CHL1: variants seen among roughly 807,000 people sequenced by gnomAD.
CHL1 encodes the protein cell adhesion molecule L1 like.
A neutral mutation model predicts 141.9 loss-of-function variants in CHL1; 96 were observed. The ratio of observed to expected loss-of-function variants is 0.68; its 90% confidence interval spans 0.57 to 0.80. The LOEUF (loss-of-function observed/expected upper bound fraction) is 0.80, where lower values mean the gene tolerates loss of function less well. Among genes scored for constraint, CHL1 ranks in the 30% least tolerant of loss-of-function variants. CHL1 has a pLI of 0.00. For missense variants in CHL1, 1,820 were observed against 1,457.2 expected (o/e 1.25, Z -4.05); for synonymous variants, 613 against 502.2 (o/e 1.22, Z -2.95).
chr3:361,404 C>T (rs976503141), intron 12 of CHL1, among the ~76,000 whole-genome samples: 2 of 128,034 alleles, frequency 1.6e-5, no homozygotes, highest in African/African-American at 5.7e-5. Context: ...TTCTGCACAG[C>T]AAAGGAAACT....
intron 10 of CHL1, among the ~76,000 whole-genome samples, chr3:350,683 T>C (rs924483765): frequency 6.6e-6 from 1 of 152,082 alleles, no homozygotes; most frequent in Admixed American, 6.5e-5. Context: ...CAAACCCCTG[T>C]TTGGAATAAC....
intron 15 of CHL1, among the ~76,000 whole-genome samples, chr3:371,005 G>T (rs1705561174): frequency 6.6e-6 from 1 of 152,120 alleles, no homozygotes; most frequent in South Asian, 2.1e-4. Context: ...TATTTGCTGA[G>T]GAGTGTTTTA....
chr3:237,874 C>CAGA (rs1288799475), intron 1 of CHL1, among the ~76,000 whole-genome samples: 1 of 152,128 alleles, frequency 6.6e-6, no homozygotes, highest in African/African-American at 2.4e-5. Flanking sequence ...AACTCGTGAT[C>CAGA]AGAAATAGGG....
Position 391,815 on chromosome 3 carries a change from T to A in CHL1, c.2914+18T>A, listed in dbSNP as rs372558813. On this transcript the variant is annotated intron_variant, in intron 23 of 27. Transcript: ENST00000256509. ...TCAGATAAGTAAGTAGAAATTTGAA[T>A]TGGAGTTAACTTGTTAATGTTTCAT... 6.4e-7 allele frequency: 1 copy of A among 1,566,960 alleles called. No homozygotes were observed. Among genetic ancestry groups the A allele is most frequent in the African/African-American group, 1.4e-5 (1 of 72,630 alleles).
rs79238619 is a variant in CHL1, at chr3:241,359, G to C, written c.-174-3254G>C. On this transcript the variant is annotated intron_variant, in intron 1 of 27. Coordinates refer to ENST00000256509, the MANE Select transcript of CHL1 (RefSeq NM_006614.4). ...CTAATGAAGTCATAGGTTTGATGTA[G>C]AGGGTATGTTGTGTGAAAAGTACTA... 3.7e-3 allele frequency among the ~76,000 whole-genome samples: 565 copies of C among 152,276 alleles called. 2 individuals are homozygous for C. The highest frequency in any genetic ancestry group is 0.012 in the African/African-American group (492 of 41,564).
At chr3:309,641 C>T (rs1365553462) in intron 2 of CHL1, among the ~76,000 whole-genome samples, 1 of 151,900 alleles carries the variant, frequency 6.6e-6, no homozygotes, top group Non-Finnish European at 1.5e-5. Flanking sequence ...TCCTGAGAAG[C>T]TGGGAGTATA....
In CHL1 at chr3:406,926, A is replaced by G. The variant is rs1188329481; in HGVS notation, c.*1215A>G. 6.6e-6 allele frequency: 1 copy of G among 152,166 alleles called. No individual in the cohort carries two copies. Among genetic ancestry groups the G allele is most frequent in the African/African-American group, 2.4e-5 (1 of 41,446 alleles). 9.4% of individuals were successfully genotyped at this position (152,166 alleles called of 1,614,324 possible). ...ACATCTACCCCAGCCCCTCAAAAGA[A>G]AAACTGTTTACATAGAAATTCCTAC... On this transcript the variant is annotated 3_prime_UTR_variant, in exon 28 of 28. Coordinates refer to ENST00000256509, the MANE Select transcript of CHL1 (RefSeq NM_006614.4).
rs748417247 is a variant in CHL1, at chr3:389,294, A to G, written c.2290A>G (p.Arg764Gly). The change falls in exon 20 of 28, where the codon AGA becomes GGA. Residue 764 changes from arginine (R) to glycine (G), a missense_variant. Physicochemically the swap from Arg to Gly is moderately radical, Grantham distance 125 (BLOSUM62 -2). Coordinates refer to ENST00000256509, the MANE Select transcript of CHL1 (RefSeq NM_006614.4). ...MEQNGPGLEY[R>G]VTWKPQGAPV... ...GCAGAATGGACCAGGCCTAGAGTAC[A>G]GAGTGACCTGGAAGCCACAGGGAGC... The G allele has an allele frequency of 1.9e-6, 3 of 1,613,858 alleles. No homozygotes were observed. The highest frequency in any genetic ancestry group is 3.3e-5 in the Admixed American group (2 of 59,960).
At chr3:228,274 T>C (rs1445663082) in intron 1 of CHL1, among the ~76,000 whole-genome samples, 1 of 152,246 alleles carries the variant, frequency 6.6e-6, no homozygotes, top group East Asian at 1.9e-4. Context: ...CCAGGTGATG[T>C]GCTTTTCGAC....
At chr3:261,739 C>T (rs1254083387) in intron 2 of CHL1, among the ~76,000 whole-genome samples, 2 of 152,024 alleles carry the variant, frequency 1.3e-5, no homozygotes, top group Non-Finnish European at 2.9e-5. Flanking sequence ...TCAAAATCCT[C>T]TCCTCAGTAT....
At chr3:373,122 G>T (rs1705858835) in intron 15 of CHL1, among the ~76,000 whole-genome samples, 1 of 152,174 alleles carries the variant, frequency 6.6e-6, no homozygotes, top group Non-Finnish European at 1.5e-5. Context: ...AAAGCACTTT[G>T]TCCCTTGGTG....
chr3:383,045 T>A (rs983611131), intron 18 of CHL1, among the ~76,000 whole-genome samples: 1 of 152,204 alleles, frequency 6.6e-6, no homozygotes, highest in African/African-American at 2.4e-5. Flanking sequence ...TCAACATCAA[T>A]CTAAATTTCC....
At chr3:299,955 T>G (rs1335203411) in intron 2 of CHL1, among the ~76,000 whole-genome samples, 1 of 152,172 alleles carries the variant, frequency 6.6e-6, no homozygotes, top group Admixed American at 6.5e-5. Context: ...CAACAGGAAG[T>G]TGTTGGCCGC....
At chr3:211,418 T>C (rs928044527) in intron 1 of CHL1, among the ~76,000 whole-genome samples, 33 of 152,336 alleles carry the variant, frequency 2.2e-4, no homozygotes, top group African/African-American at 7.7e-4. Flanking sequence ...TAGAGCTTTC[T>C]TGAGCTGCTT....
chr3:236,349 A>G (rs1388127453), intron 1 of CHL1, among the ~76,000 whole-genome samples: 1 of 152,140 alleles, frequency 6.6e-6, no homozygotes, highest in Non-Finnish European at 1.5e-5. Context: ...AAAACCCCAA[A>G]GTGTCTGAGT....
At chr3:330,768 A>G (rs979010979) in intron 5 of CHL1, among the ~76,000 whole-genome samples, 2 of 152,180 alleles carry the variant, frequency 1.3e-5, no homozygotes, top group Admixed American at 1.3e-4. Flanking sequence ...AAACTTCAGT[A>G]GAAATTATTA....
At chr3:347,585 G>A (rs907550260) in intron 9 of CHL1, among the ~76,000 whole-genome samples, 9 of 152,146 alleles carry the variant, frequency 5.9e-5, no homozygotes, top group African/African-American at 1.9e-4. Flanking sequence ...GGGAGTCCGG[G>A]AGATCTTGCT....
intron 2 of CHL1, among the ~76,000 whole-genome samples, chr3:253,173 C>G (rs1693856886): frequency 6.6e-6 from 1 of 151,982 alleles, no homozygotes; most frequent in South Asian, 2.1e-4. Flanking sequence ...TATAATTGTA[C>G]TATATTTTAC....
chr3:296,731 C>T (rs1172674182), intron 2 of CHL1, among the ~76,000 whole-genome samples: 1 of 152,074 alleles, frequency 6.6e-6, no homozygotes, highest in Non-Finnish European at 1.5e-5. Context: ...AAGTGGAAGG[C>T]AGACATTGTA....
Sources: allele counts gnomAD v4.1 joint callset (sites outside exome capture counted in the v4.1 genomes callset), GRCh38; gene constraint gnomAD v4.1.1; transcripts MANE v1.5; gene names NCBI Gene and HGNC (gene_info 2026-07-23, HGNC 2026-07-21).